The following ZNF180 variants were observed in gnomAD, a reference collection of about 807,000 sequenced individuals.
ZNF180 encodes the protein zinc finger protein 180.
In ZNF180, 11 loss-of-function variants were observed where a neutral mutation model predicts 11.8. That is an observed-to-expected ratio of 0.93 (90% CI 0.59 to 1.55). The LOEUF is 1.55. ZNF180 is among the 40% of genes most tolerant of loss of function. The pLI is 0.00. For synonymous variants in ZNF180, 287 were observed against 257.7 expected (o/e 1.11, Z -1.09); for missense variants, 773 against 781.7 (o/e 0.99, Z 0.13).
chr19:44,499,027 A>G (rs1970663600), intron 1 of ZNF180, among the ~76,000 whole-genome samples: 1 of 152,118 alleles, frequency 6.6e-6, no homozygotes, highest in African/African-American at 2.4e-5. Flanking sequence ...CCTGTGTCTC[A>G]ACCTGCCTGG....
In ZNF180 at chr19:44,476,227, T is replaced by C. The variant is rs1019020802; in HGVS notation, c.*175A>G. 17 of 592,026 alleles carry C rather than the reference T, an allele frequency of 2.9e-5. No homozygotes were observed. The highest frequency in any genetic ancestry group is 3.8e-5 in the Non-Finnish European group (14 of 364,986). 36.7% of individuals were successfully genotyped at this position (592,026 alleles called of 1,614,324 possible). A position where few individuals can be genotyped will look rare whatever the true frequency, so the allele number is the denominator to read the frequency against. ...AATTGCCAGGTTGAAAAGTCGTTCATAGACTTTCCCCCTTTCTTTTCCAGA... is the reference window on the plus strand; with the variant it reads ...AATTGCCAGGTTGAAAAGTCGTTCACAGACTTTCCCCCTTTCTTTTCCAGA... On this transcript the variant is annotated 3_prime_UTR_variant, in exon 5 of 5. Coordinates refer to ENST00000592529, the MANE Select transcript of ZNF180 (RefSeq NM_001278509.3).
In ZNF180 at chr19:44,477,871, T is replaced by C. The variant is rs750841906; in HGVS notation, c.529A>G (p.Ser177Gly). 1.2e-6 allele frequency: 2 copies of C among 1,613,922 alleles called. No homozygotes were observed. The highest frequency in any genetic ancestry group is 2.2e-5 in the East Asian group (1 of 44,862). Residue 177 changes from serine to glycine, a missense_variant, in exon 5 of 5, where the codon AGT (serine) becomes GGT (glycine). By Grantham distance (56) the Ser-to-Gly change is moderately conservative. Transcript: ENST00000592529. Reference sequence around the variant, plus strand: ...GGTATAACTGGGGATGAAAATAGACTGGAATTCAGACCACTCTTCTCCCCA... The same window carrying C: ...GGTATAACTGGGGATGAAAATAGACCGGAATTCAGACCACTCTTCTCCCCA... ...ETGEKSGLNS[S>G]LFSSPVIPIR...
chr19:44,498,924 C>A (rs1970660933), intron 1 of ZNF180, among the ~76,000 whole-genome samples: 1 of 152,152 alleles, frequency 6.6e-6, no homozygotes, highest in Non-Finnish European at 1.5e-5. Context: ...AGCCACAGAG[C>A]AGGTTCGTGC....
intron 3 of ZNF180, among the ~76,000 whole-genome samples, chr19:44,480,280 A>C (rs1600072865): frequency 6.6e-6 from 1 of 152,096 alleles, no homozygotes; most frequent in Admixed American, 6.5e-5. Context: ...TAATTTTTAA[A>C]ATTTTGTAGA....
chr19:44,489,165 C>T (rs1344323613), intron 2 of ZNF180, among the ~76,000 whole-genome samples: 1 of 132,482 alleles, frequency 7.5e-6, no homozygotes, highest in Non-Finnish European at 1.7e-5. Flanking sequence ...GGGGCCAGCC[C>T]CCCGCCGGGC....
At chr19:44,492,111 A>G (rs988886827) in intron 2 of ZNF180, among the ~76,000 whole-genome samples, 2 of 152,114 alleles carry the variant, frequency 1.3e-5, no homozygotes, top group Non-Finnish European at 2.9e-5. Flanking sequence ...TTCTCTCAGG[A>G]CTTCTTAGCT....
At chr19:44,488,793 G>A (rs536307351) in intron 2 of ZNF180, among the ~76,000 whole-genome samples, 5 of 151,894 alleles carry the variant, frequency 3.3e-5, no homozygotes, top group East Asian at 2.0e-4. Context: ...GTCTCTGCCC[G>A]GCGGCCATCC....
At chr19:44,485,088 G>T (rs1970191027) in intron 2 of ZNF180, 1 of 149,976 alleles carries the variant, frequency 6.7e-6, no homozygotes, top group Non-Finnish European at 1.5e-5. Flanking sequence ...TTGAACACAG[G>T]AGGTGGAGGT....
At chr19:44,496,074 A>G (rs1435187127) in intron 2 of ZNF180, among the ~76,000 whole-genome samples, 1 of 152,158 alleles carries the variant, frequency 6.6e-6, no homozygotes, top group African/African-American at 2.4e-5. Context: ...GCTGCAGTGC[A>G]GTGACACAAT....
chr19:44,499,636 C>A (rs1970686325), intron 1 of ZNF180, among the ~76,000 whole-genome samples: 1 of 152,176 alleles, frequency 6.6e-6, no homozygotes, highest in African/African-American at 2.4e-5. Flanking sequence ...GGCCCTGATA[C>A]CCTCCTTCAG....
chr19:44,488,437 G>A (rs8104374), intron 2 of ZNF180, among the ~76,000 whole-genome samples: 15,219 of 151,838 alleles, frequency 0.1, 968 homozygotes, highest in East Asian at 0.34. Context: ...ACTGGTTTTC[G>A]TATTTTTTTG....
chr19:44,490,726 GGCAGAAA>G lies in ZNF180; in HGVS notation c.52-6298_52-6292del, dbSNP rs1327953056. Among the ~76,000 whole-genome samples, 5 of 151,968 alleles carry G rather than the reference GGCAGAAA, an allele frequency of 3.3e-5. No individual in the cohort carries two copies. In the East Asian group the frequency reaches 9.7e-4, roughly 29 times the overall value. ...TTAATGTTTTTCTCAGCAGGTACTT[GGCAGAAA>G]CAAAATTCCAAAATGTCACTATCTG... On this transcript the variant is annotated intron_variant, in intron 2 of 4. Transcript: ENST00000592529.
At chr19:44,481,792 T>C (rs1970087206) in intron 3 of ZNF180, among the ~76,000 whole-genome samples, 2 of 152,174 alleles carry the variant, frequency 1.3e-5, no homozygotes, top group South Asian at 4.1e-4. Context: ...CCTTATAAGA[T>C]ATCAAAATAA....
Position 44,477,750 on chromosome 19 carries a change from G to A in ZNF180, c.650C>T (p.Thr217Ile). 3 of 1,613,928 alleles carry A rather than the reference G, an allele frequency of 1.9e-6. No individual in the cohort carries two copies. The highest frequency in any genetic ancestry group is 2.5e-6 in the Non-Finnish European group (3 of 1,179,948). ...NSHQKINENE[T>I]LYENNECGKP... ...TCCACATTCATTATTTTCATATAGT[G>A]TCTCATTCTCATTAATCTTCTGATG... The change falls in exon 5 of 5, where the codon ACA becomes ATA. Residue 217 changes from threonine (T) to isoleucine (I), a missense_variant. Transcript: ENST00000592529.
intron 1 of ZNF180, among the ~76,000 whole-genome samples, chr19:44,499,534 T>TA (rs1970682438): frequency 6.6e-6 from 1 of 152,158 alleles, no homozygotes; most frequent in African/African-American, 2.4e-5. Context: ...TGCACTATCC[T>TA]ACATAGGTCC....
intron 2 of ZNF180, among the ~76,000 whole-genome samples, chr19:44,488,071 T>G (rs979873886): frequency 1.9e-5 from 2 of 105,314 alleles, no homozygotes; most frequent in African/African-American, 6.1e-5. Flanking sequence ...CCTTGCCCTC[T>G]CCCTCTCCCT....
chr19:44,497,299 C>G lies in ZNF180; in HGVS notation c.36G>C (p.Pro12=). The G allele has an allele frequency of 1.3e-6, 2 of 1,593,588 alleles. No homozygotes were observed. Among genetic ancestry groups the G allele is most frequent in the Non-Finnish European group, 1.7e-6 (2 of 1,173,428 alleles). Residue 12 remains proline, a synonymous_variant, in exon 2 of 5, where the codon CCG becomes CCC. Transcript: ENST00000592529. ...EEQDEKPPEP[P]KVCAQDSFLP... The stretch of plus-strand genomic sequence containing the variant: ...CTCCACTCACCTGTGCACAGACCTT[C>G]GGGGGCTCTGGGGGCTTCTCATCCT...
intron 4 of ZNF180, among the ~76,000 whole-genome samples, chr19:44,478,835 G>T (rs1970001927): frequency 6.6e-6 from 1 of 152,188 alleles, no homozygotes; most frequent in Non-Finnish European, 1.5e-5. Flanking sequence ...AAAAAATGTG[G>T]CATCTTCTAT....
At position 44,477,243 on chromosome 19, in the gene ZNF180, T is replaced by G; in HGVS notation, c.1157A>C (p.Gln386Pro). 10 of 1,614,186 alleles carry G rather than the reference T, an allele frequency of 6.2e-6. No individual in the cohort carries two copies. The highest frequency in any genetic ancestry group is 8.5e-6 in the Non-Finnish European group (10 of 1,180,008). Residue 386 changes from glutamine to proline, a missense_variant, in exon 5 of 5, where the codon CAA (glutamine) becomes CCA (proline). Physicochemically the swap from Gln to Pro is moderately conservative, Grantham distance 76 (BLOSUM62 -1). Coordinates refer to ENST00000592529, the MANE Select transcript of ZNF180 (RefSeq NM_001278509.3). ...HTGEKPYRCNQCGKSFSQSYV... is the reference protein window; with the variant it reads ...HTGEKPYRCNPCGKSFSQSYV... ...ACTCTGGCTAAAGGATTTCCCACATTGATTACACCTGTAAGGTTTCTCTCC... is the reference window on the plus strand; with the variant it reads ...ACTCTGGCTAAAGGATTTCCCACATGGATTACACCTGTAAGGTTTCTCTCC...
Sources: allele counts gnomAD v4.1 joint callset (sites outside exome capture counted in the v4.1 genomes callset), GRCh38; gene constraint gnomAD v4.1.1; transcripts MANE v1.5; gene names NCBI Gene and HGNC (gene_info 2026-07-23, HGNC 2026-07-21).